Variants in VPS37B observed in about 807,000 individuals in gnomAD.
The protein encoded by VPS37B is vacuolar protein sorting-associated protein 37B.
A neutral mutation model predicts 21.2 loss-of-function variants in VPS37B; 11 were observed. That is an observed-to-expected ratio of 0.52 (90% CI 0.33 to 0.86). The LOEUF is 0.86. Ranked by LOEUF, VPS37B falls within the 40% of genes least tolerant of loss-of-function variation. VPS37B has a pLI of 0.03. For missense variants in VPS37B, 389 were observed against 374.8 expected (o/e 1.04, Z -0.31); for synonymous variants, 175 against 159.6 (o/e 1.10, Z -0.73).
chr12:122,868,400 C>T lies in VPS37B; in HGVS notation c.366+80G>A. The T allele has an allele frequency of 7.5e-7, 1 of 1,325,860 alleles. No homozygotes were observed. The highest frequency in any genetic ancestry group is 1.1e-6 in the Non-Finnish European group (1 of 938,796). 82.1% of individuals were successfully genotyped at this position (1,325,860 alleles called of 1,614,324 possible). A position where few individuals can be genotyped will look rare whatever the true frequency, so the allele number is the denominator to read the frequency against. ...ACCACTCCTGGCCGTGGCGGTGTGG[C>T]ACTCACGGTCCCTGGAGGCAGCGGG... On this transcript the variant is annotated intron_variant, in intron 3 of 3. Transcript: ENST00000267202. This position sits in a 1 kb window ranked among gnomAD's most constrained non-coding sequence, Gnocchi z 5.5.
At chr12:122,891,262 T>C (rs1228355519) in intron 1 of VPS37B, among the ~76,000 whole-genome samples, 1 of 152,242 alleles carries the variant, frequency 6.6e-6, no homozygotes, top group Non-Finnish European at 1.5e-5. Context: ...TCAAATTTCA[T>C]CTAAGCCAGT....
At chr12:122,894,552 TGA>T (rs2034461231) in intron 1 of VPS37B, among the ~76,000 whole-genome samples, 1 of 152,136 alleles carries the variant, frequency 6.6e-6, no homozygotes, top group Non-Finnish European at 1.5e-5. Context: ...GGCTCCTGGG[TGA>T]GAGGCTCAGC....
chr12:122,873,967 CTG>C (rs1228669379), intron 1 of VPS37B: 1 of 152,148 alleles, frequency 6.6e-6, no homozygotes, highest in Non-Finnish European at 1.5e-5. Context: ...GGTAACAAAA[CTG>C]TGGAGGAAAA....
At chr12:122,879,310 C>G (rs1450901456) in intron 1 of VPS37B, 2 of 152,424 alleles carry the variant, frequency 1.3e-5, no homozygotes, top group African/African-American at 4.8e-5. Flanking sequence ...CTATACCAAC[C>G]CTTCACCCGG....
chr12:122,895,883 G>A (rs2034484822), intron 1 of VPS37B, 69 bp downstream of exon 1: 1 of 1,460,894 alleles, frequency 6.8e-7, no homozygotes, highest in Non-Finnish European at 9.5e-7. Context: ...CTCCGCCTCC[G>A]GCCACCGTTC....
At chr12:122,886,969 G>T (rs764371816) in intron 1 of VPS37B, 1 of 152,098 alleles carries the variant, frequency 6.6e-6, no homozygotes. Context: ...ATTTTTGTAC[G>T]GCTTTTATGA....
chr12:122,872,260 A>T (rs1473196718), intron 1 of VPS37B: 12 of 985,356 alleles, frequency 1.2e-5, no homozygotes, highest in Non-Finnish European at 1.3e-5. Flanking sequence ...GAGAACAAAG[A>T]AAGAAGCCCT....
intron 1 of VPS37B, chr12:122,875,223 A>ATTTTTTTTTTT (rs34993068): frequency 3.4e-4 from 33 of 96,014 alleles, no homozygotes; most frequent in African/African-American, 5.7e-4. Context: ...CACCTGGCTA[A>ATTTTTTTTTTT]TTTTTTTTTT....
intron 1 of VPS37B, among the ~76,000 whole-genome samples, chr12:122,892,452 C>T (rs554808798): frequency 6.6e-6 from 1 of 152,034 alleles, no homozygotes; most frequent in Admixed American, 6.5e-5. Context: ...AATATCCCCT[C>T]AGGCTTAAAG....
intron 1 of VPS37B, among the ~76,000 whole-genome samples, chr12:122,892,951 C>T (rs892442595): frequency 1.3e-5 from 2 of 151,794 alleles, no homozygotes; most frequent in Non-Finnish European, 2.9e-5. Context: ...AGCCCTGCTA[C>T]GCAGGAGGCT....
At chr12:122,895,880 TCCGGCC>T in intron 1 of VPS37B, 66 bp downstream of exon 1, 1 of 1,437,468 alleles carries the variant, frequency 7.0e-7, no homozygotes, top group Admixed American at 1.7e-5. Flanking sequence ...CGCCTCCGCC[TCCGGCC>T]ACCGTTCGAG....
chr12:122,892,389 AAACCT>A (rs2034426771), intron 1 of VPS37B, among the ~76,000 whole-genome samples: 4 of 152,224 alleles, frequency 2.6e-5, no homozygotes, highest in Admixed American at 2.6e-4. Flanking sequence ...AGCTGCACTT[AAACCT>A]AACAGTGAAT....
intron 1 of VPS37B, chr12:122,874,565 G>C (rs982858743): frequency 6.6e-6 from 1 of 152,202 alleles, no homozygotes; most frequent in South Asian, 2.1e-4. Flanking sequence ...GACAACTCAC[G>C]TGTCCACATT....
rs2033957786 is a variant in VPS37B, at chr12:122,868,647, T to G, written c.284-85A>C. 1 of 1,191,772 alleles carries G rather than the reference T, an allele frequency of 8.4e-7. No individual in the cohort carries two copies. Among genetic ancestry groups the G allele is most frequent in the Admixed American group, 2.0e-5 (1 of 50,916 alleles). 73.8% of individuals were successfully genotyped at this position (1,191,772 alleles called of 1,614,324 possible). On this transcript the variant is annotated intron_variant, in intron 2 of 3. Coordinates refer to ENST00000267202, the MANE Select transcript of VPS37B (RefSeq NM_024667.3). The surrounding 1 kb of genome is among the most constrained non-coding windows in gnomAD (Gnocchi z 5.5). ...ATGCCAACCACGGCAGGATTGCACC[T>G]TCCTTTCCAGGAAGCTGAATGTGAA...
In VPS37B at chr12:122,867,628, GT is replaced by G. The variant is rs747038022; in HGVS notation, c.367-22del. ...ATGTTCTGAAAGAGGCAGAAACCTG[GT>G]TACAGGGACAGCCAGATGGGGAGGA... On this transcript the variant is annotated intron_variant, in intron 3 of 3. Transcript: ENST00000267202. This position sits in a 1 kb window ranked among gnomAD's most constrained non-coding sequence, Gnocchi z 5.5. 749 of 1,610,020 alleles carry G rather than the reference GT, an allele frequency of 4.7e-4. No homozygotes were observed. The highest frequency in any genetic ancestry group is 5.8e-4 in the Non-Finnish European group (683 of 1,179,932).
In VPS37B at chr12:122,868,759, T is replaced by C. The variant is rs1389662266; in HGVS notation, c.284-197A>G. 6.6e-6 allele frequency among the ~76,000 whole-genome samples: 1 copy of C among 152,202 alleles called. No homozygotes were observed. The highest frequency in any genetic ancestry group is 1.5e-5 in the Non-Finnish European group (1 of 68,036). On this transcript the variant is annotated intron_variant, in intron 2 of 3. Transcript: ENST00000267202. This position sits in a 1 kb window ranked among gnomAD's most constrained non-coding sequence, Gnocchi z 5.5. ...TGTCAGAGCAACCTGTGTCACCAGC[T>C]GCTTCTAGAACCAGCTGTTTTCAAA... is the stretch of plus-strand genomic sequence containing the variant.
At chr12:122,893,411 T>C (rs1009452070) in intron 1 of VPS37B, among the ~76,000 whole-genome samples, 5 of 152,056 alleles carry the variant, frequency 3.3e-5, no homozygotes, top group African/African-American at 1.2e-4. Context: ...CAGTCTGGAG[T>C]GTGTGATTCC....
chr12:122,867,236 G>C lies in VPS37B; in HGVS notation c.738C>G (p.Arg246=). The C allele has an allele frequency of 5.1e-6, 8 of 1,571,238 alleles. No individual in the cohort carries two copies. The highest frequency in any genetic ancestry group is 6.9e-6 in the Non-Finnish European group (8 of 1,162,370). Residue 246 remains arginine, a synonymous_variant, in exon 4 of 4, where the codon CGC becomes CGG. Coordinates refer to ENST00000267202, the MANE Select transcript of VPS37B (RefSeq NM_024667.3). This position sits in a 1 kb window ranked among gnomAD's most constrained non-coding sequence, Gnocchi z 5.5. ...PGLQCPPLPP[R]VGLPTQQGFS... ...ATCCTTGCTGAGTGGGGAGGCCCAC[G>C]CGGGGGGGCAGGGGCGGGCACTGTA...
At chr12:122,871,807 G>GA (rs1566124735) in intron 1 of VPS37B, 2 of 976,970 alleles carry the variant, frequency 2.0e-6, no homozygotes, top group Non-Finnish European at 2.4e-6. Flanking sequence ...GAAGGTCTGA[G>GA]AAAAAAAGGC....
Sources: gnomAD v4.1 joint callset for allele counts (sites outside exome capture counted in the v4.1 genomes callset) on GRCh38, gnomAD v4.1.1 for gene constraint, Gnocchi (gnomAD v3.1) non-coding constraint, MANE v1.5 for transcripts, NCBI Gene and HGNC (gene_info 2026-07-23, HGNC 2026-07-21) for gene names.